CNTNAP5: variants seen among roughly 807,000 people sequenced by gnomAD.
CNTNAP5 encodes the protein contactin-associated protein-like 5.
Under a neutral mutation model 150.2 loss-of-function variants are expected in CNTNAP5, and 72 were observed. That is an observed-to-expected ratio of 0.48 (90% CI 0.40 to 0.58). The LOEUF is 0.58. Among genes scored for constraint, CNTNAP5 ranks in the 20% least tolerant of loss-of-function variants. CNTNAP5 has a pLI of 0.00. For missense variants in CNTNAP5, 1,636 were observed against 1,626.2 expected (o/e 1.01, Z -0.10); for synonymous variants, 672 against 619.8 (o/e 1.08, Z -1.25).
In CNTNAP5 at chr2:124,097,808, C is replaced by G. The variant is rs181971134; in HGVS notation, c.82+72076C>G. On this transcript the variant is annotated intron_variant, in intron 1 of 23. Transcript: ENST00000682447. ...CTTTGGGCGGCCGAGGCGGGAGGAT[C>G]ACGAGGTCAGGAGATCGAGACCATC... Among the ~76,000 whole-genome samples the G allele has an allele frequency of 5.1e-3, 783 of 152,300 alleles. 5 individuals are homozygous for G. Among genetic ancestry groups the G allele is most frequent in the African/African-American group, 0.018 (728 of 41,572 alleles).
intron 13 of CNTNAP5, among the ~76,000 whole-genome samples, chr2:124,674,513 TTC>T (rs1184058967): frequency 9.6e-6 from 1 of 103,934 alleles, no homozygotes; most frequent in Admixed American, 1.1e-4. Flanking sequence ...TTCTTTCTCT[TTC>T]TTTCTTTCTT....
At chr2:124,614,421 C>T (rs1440536806) in intron 12 of CNTNAP5, among the ~76,000 whole-genome samples, 1 of 152,124 alleles carries the variant, frequency 6.6e-6, no homozygotes, top group Non-Finnish European at 1.5e-5. Context: ...AATAGCTATT[C>T]CATAGGCAGA....
chr2:124,559,707 C>G (rs995205150), intron 10 of CNTNAP5, among the ~76,000 whole-genome samples: 7 of 152,102 alleles, frequency 4.6e-5, no homozygotes, highest in African/African-American at 1.7e-4. Flanking sequence ...GCCACGTAGA[C>G]AGAGAAAGAA....
intron 3 of CNTNAP5, among the ~76,000 whole-genome samples, chr2:124,280,309 AG>A (rs1264285014): frequency 3.7e-4 from 56 of 152,164 alleles, no homozygotes; most frequent in African/African-American, 1.3e-3. Context: ...CTGAGATTAC[AG>A]GCGCCCATCA....
At chr2:124,428,617 GA>G (rs56835756) in intron 4 of CNTNAP5, among the ~76,000 whole-genome samples, 1,532 of 151,756 alleles carry the variant, frequency 0.01, 27 homozygotes, top group Middle Eastern at 0.034. Flanking sequence ...AACATTTAAG[GA>G]AAAGAAAACT....
intron 6 of CNTNAP5, among the ~76,000 whole-genome samples, chr2:124,450,509 C>T (rs1313266283): frequency 6.8e-6 from 1 of 147,152 alleles, no homozygotes; most frequent in Non-Finnish European, 1.5e-5. Flanking sequence ...GTCTGTTTCC[C>T]TTCCTGCCCA....
chr2:124,506,494 T>C (rs1694410439), intron 8 of CNTNAP5, among the ~76,000 whole-genome samples: 3 of 152,228 alleles, frequency 2.0e-5, no homozygotes, highest in East Asian at 1.9e-4. Context: ...TCTTTTCTCA[T>C]AGTTATGGTC....
chr2:124,231,011 T>C (rs1312012020), intron 2 of CNTNAP5, among the ~76,000 whole-genome samples: 1 of 152,068 alleles, frequency 6.6e-6, no homozygotes, highest in African/African-American at 2.4e-5. Flanking sequence ...CACTCTCCCT[T>C]CCCAGTCGAA....
At chr2:124,593,120 TTTATTTA>T (rs1039382909) in intron 11 of CNTNAP5, among the ~76,000 whole-genome samples, 19 of 118,312 alleles carry the variant, frequency 1.6e-4, no homozygotes, top group South Asian at 2.8e-4. Context: ...TATTTATTTA[TTTATTTA>T]TTATTATTAT....
At chr2:124,591,212 GATA>G (rs1276211059) in intron 11 of CNTNAP5, among the ~76,000 whole-genome samples, 1 of 152,136 alleles carries the variant, frequency 6.6e-6, no homozygotes, top group Non-Finnish European at 1.5e-5. Flanking sequence ...TCTTGTTACT[GATA>G]ATGTTTATTT....
At chr2:124,602,246 G>A (rs1697002304) in intron 11 of CNTNAP5, among the ~76,000 whole-genome samples, 1 of 150,232 alleles carries the variant, frequency 6.7e-6, no homozygotes, top group Admixed American at 6.7e-5. Flanking sequence ...GGAGGCTGAG[G>A]CAGGAGAATA....
At chr2:124,910,861 C>A (rs1416723585) in intron 22 of CNTNAP5, among the ~76,000 whole-genome samples, 7 of 151,908 alleles carry the variant, frequency 4.6e-5, no homozygotes. Flanking sequence ...TCCTTTAATA[C>A]ATGTGCAAAT....
chr2:124,587,428 G>A (rs561479062), intron 11 of CNTNAP5, among the ~76,000 whole-genome samples: 2 of 152,146 alleles, frequency 1.3e-5, no homozygotes, highest in African/African-American at 4.8e-5. Flanking sequence ...TTTCTTTGAT[G>A]TCTGATTGTT....
chr2:124,913,546 T>G (rs918873021), intron 23 of CNTNAP5, among the ~76,000 whole-genome samples: 1 of 152,138 alleles, frequency 6.6e-6, no homozygotes, highest in African/African-American at 2.4e-5. Context: ...TTCAGAGCAG[T>G]GTAAAAATGT....
At chr2:124,711,685 C>A (rs771943637) in intron 13 of CNTNAP5, among the ~76,000 whole-genome samples, 1 of 151,766 alleles carries the variant, frequency 6.6e-6, no homozygotes, top group Non-Finnish European at 1.5e-5. Flanking sequence ...AACAAACAAA[C>A]AAAAAATTAG....
intron 1 of CNTNAP5, among the ~76,000 whole-genome samples, chr2:124,100,908 G>A (rs982278101): frequency 6.6e-6 from 1 of 151,368 alleles, no homozygotes; most frequent in Non-Finnish European, 1.5e-5. Context: ...GTTGATGTTT[G>A]GGAAACTGAG....
intron 1 of CNTNAP5, among the ~76,000 whole-genome samples, chr2:124,131,817 G>C (rs1025128466): frequency 1.3e-5 from 2 of 152,148 alleles, no homozygotes; most frequent in African/African-American, 4.8e-5. Flanking sequence ...GCTTTAGAAA[G>C]AAATAGGCCC....
intron 5 of CNTNAP5, among the ~76,000 whole-genome samples, chr2:124,435,474 C>T (rs1352709240): frequency 6.6e-6 from 1 of 151,810 alleles, no homozygotes; most frequent in Non-Finnish European, 1.5e-5. Context: ...AACAAAAAAA[C>T]ACTCTTCTAT....
chr2:124,296,656 G>A (rs1049143543), intron 3 of CNTNAP5, among the ~76,000 whole-genome samples: 1 of 152,162 alleles, frequency 6.6e-6, no homozygotes, highest in Non-Finnish European at 1.5e-5. Flanking sequence ...GACCACGTGT[G>A]TGGTAGTGTT....
Sources: allele counts gnomAD v4.1 joint callset (sites outside exome capture counted in the v4.1 genomes callset), GRCh38; gene constraint gnomAD v4.1.1; transcripts MANE v1.5; gene names NCBI Gene and HGNC (gene_info 2026-07-23, HGNC 2026-07-21).